The following RAB1A variants were observed in gnomAD, a reference collection of about 807,000 sequenced individuals.
RAB1A encodes the protein ras-related protein Rab-1A.
A neutral mutation model predicts 26.0 loss-of-function variants in RAB1A; 2 were observed. The ratio of observed to expected loss-of-function variants is 0.08; its 90% CI spans 0.03 to 0.24. The LOEUF is 0.24. Ranked by LOEUF, RAB1A falls within the 10% of genes least tolerant of loss-of-function variation. The pLI is 1.00. For synonymous variants in RAB1A, 84 were observed against 84.9 expected (o/e 0.99, Z 0.06); for missense variants, 100 against 247.0 (o/e 0.40, Z 3.99).
At position 65,115,131 on chromosome 2, in the gene RAB1A, T is replaced by C. The variant is rs568494162; in HGVS notation, c.24-10325A>G. Among the ~76,000 whole-genome samples, 38 of 152,282 alleles carry C rather than the reference T, an allele frequency of 2.5e-4. 1 individual carries two copies. The East Asian group carries it at 6.4e-3, about 26-fold the overall frequency. ...CCAGCCTCCAGAACCACAGGCCAAA[T>C]AAACTTCTACTGTTTATAAATTACC... On this transcript the variant is annotated intron_variant, in intron 1 of 5. Coordinates refer to ENST00000409784, the MANE Select transcript of RAB1A (RefSeq NM_004161.5).
chr2:65,095,302 C>G (rs1669257045), intron 3 of RAB1A, among the ~76,000 whole-genome samples: 1 of 152,004 alleles, frequency 6.6e-6, no homozygotes, highest in Non-Finnish European at 1.5e-5. Flanking sequence ...TCCCAAAGTG[C>G]TAGGACTATA....
chr2:65,116,323 G>C (rs1265279172), intron 1 of RAB1A, among the ~76,000 whole-genome samples: 1 of 152,096 alleles, frequency 6.6e-6, no homozygotes, highest in Non-Finnish European at 1.5e-5. Flanking sequence ...CAAGAACGGG[G>C]TGTCAACGTT....
chr2:65,093,872 T>G (rs1669225460), intron 3 of RAB1A, among the ~76,000 whole-genome samples: 1 of 152,158 alleles, frequency 6.6e-6, no homozygotes, highest in South Asian at 2.1e-4. Context: ...TCTGCGTGCC[T>G]CTGCCTCCCA....
At chr2:65,124,023 T>C (rs1670036042) in intron 1 of RAB1A, among the ~76,000 whole-genome samples, 1 of 152,210 alleles carries the variant, frequency 6.6e-6, no homozygotes, top group South Asian at 2.1e-4. Context: ...AATCTCACTC[T>C]GTCACCCAGG....
Position 65,088,640 on chromosome 2 carries a change from A to G in RAB1A, c.471T>C (p.Asn157=). 1.2e-6 allele frequency: 2 copies of G among 1,613,244 alleles called. No homozygotes were observed. Among genetic ancestry groups the G allele is most frequent in the Non-Finnish European group, 1.7e-6 (2 of 1,179,608 alleles). The part of the protein sequence containing the change: ...GIPFLETSAK[N]ATNVEQSFMT... ...TGAAAGACTGTTCTACATTCGTTGC[A>G]TTCTTAGCACTGGTTTCCAAAAACG... The change falls in exon 6 of 6, where the codon AAT becomes AAC. Residue 157 remains asparagine (N), a synonymous_variant. Coordinates refer to ENST00000409784, the MANE Select transcript of RAB1A (RefSeq NM_004161.5).
In RAB1A at chr2:65,089,168, G is replaced by C. The variant is rs115311191; in HGVS notation, c.289-98C>G. The C allele has an allele frequency of 1.5e-3, 1,803 of 1,173,984 alleles. 14 individuals are homozygous for C. The African/African-American group carries it at 0.025, about 16-fold the overall frequency. The allele number at this position is 1,173,984 out of a possible 1,614,324, so 72.7% of individuals were successfully genotyped here. A position where few individuals can be genotyped will look rare whatever the true frequency, so the allele number is the denominator to read the frequency against. ...TGACCTAACAGACAAATAACAAAGA[G>C]CTAGTGAGACAACTCTAGCTACAAA... On this transcript the variant is annotated intron_variant, in intron 4 of 5. Coordinates refer to ENST00000409784, the MANE Select transcript of RAB1A (RefSeq NM_004161.5).
At chr2:65,103,304 A>AAAAAAAAAAAAAAAAACAAAAAAAAAAAC (rs757626011) in intron 2 of RAB1A, among the ~76,000 whole-genome samples, 1 of 112,502 alleles carries the variant, frequency 8.9e-6, no homozygotes, top group Non-Finnish European at 1.8e-5. Flanking sequence ...TGTCTCAAAA[A>AAAAAAAAAAAAAAAAACAAAAAAAAAAAC]AAAAAAAAAA....
chr2:65,120,705 T>C (rs929819308), intron 1 of RAB1A, among the ~76,000 whole-genome samples: 1 of 152,086 alleles, frequency 6.6e-6, no homozygotes, highest in African/African-American at 2.4e-5. Flanking sequence ...ATGCATCAAA[T>C]GTAACGTGAG....
chr2:65,106,495 T>C, intron 1 of RAB1A: 1 of 231,482 alleles, frequency 4.3e-6, no homozygotes, highest in Non-Finnish European at 8.9e-6. Context: ...TAGGTTTACA[T>C]AATGATATGC....
At chr2:65,122,594 AT>A (rs1013790296) in intron 1 of RAB1A, among the ~76,000 whole-genome samples, 1 of 151,950 alleles carries the variant, frequency 6.6e-6, no homozygotes, top group Non-Finnish European at 1.5e-5. Flanking sequence ...TGATTAGCAA[AT>A]TTTTTTTAAA....
chr2:65,114,992 AT>A (rs1669792677), intron 1 of RAB1A, among the ~76,000 whole-genome samples: 3 of 152,216 alleles, frequency 2.0e-5, no homozygotes, highest in Admixed American at 2.0e-4. Context: ...TCACTCTGTT[AT>A]AAAAGTGAGT....
chr2:65,094,592 A>G (rs1438774563), intron 3 of RAB1A, among the ~76,000 whole-genome samples: 1 of 151,860 alleles, frequency 6.6e-6, no homozygotes, highest in Non-Finnish European at 1.5e-5. Context: ...CTCAAAAAAA[A>G]AAAAAAAGAA....
intron 1 of RAB1A, among the ~76,000 whole-genome samples, chr2:65,122,836 C>T (rs1028175453): frequency 3.3e-5 from 5 of 151,554 alleles, no homozygotes; most frequent in Non-Finnish European, 4.4e-5. Context: ...CTGGGCCTGG[C>T]GGCGGGCACC....
At chr2:65,118,134 C>A (rs1445055202) in intron 1 of RAB1A, among the ~76,000 whole-genome samples, 2 of 152,182 alleles carry the variant, frequency 1.3e-5, no homozygotes, top group South Asian at 2.1e-4. Context: ...GTGCTGCTGA[C>A]CCCACTCAGA....
chr2:65,103,521 G>A (rs1012538329), intron 2 of RAB1A, among the ~76,000 whole-genome samples: 7 of 152,250 alleles, frequency 4.6e-5, no homozygotes, highest in African/African-American at 1.7e-4. Flanking sequence ...GCGCTGCCTT[G>A]ATGTGTACCA....
At position 65,115,243 on chromosome 2, in the gene RAB1A, T is replaced by G. The variant is rs1213129994; in HGVS notation, c.24-10437A>C. 3.3e-5 allele frequency among the ~76,000 whole-genome samples: 5 copies of G among 152,208 alleles called. No homozygotes were observed. The East Asian group carries it at 9.6e-4, about 29-fold the overall frequency. ...TTCTTCTAAATGTCTTATTTGAAAATAGCATAAAACTAAGCTCACATATCA... is the reference window on the plus strand; with the variant it reads ...TTCTTCTAAATGTCTTATTTGAAAAGAGCATAAAACTAAGCTCACATATCA... On this transcript the variant is annotated intron_variant, in intron 1 of 5. Transcript: ENST00000409784.
Position 65,129,855 on chromosome 2 carries a change from C to G in RAB1A, c.23+38G>C, listed in dbSNP as rs769204440. 7 of 1,583,632 alleles carry G rather than the reference C, an allele frequency of 4.4e-6. No individual in the cohort carries two copies. The African/African-American group carries it at 6.7e-5, about 15-fold the overall frequency. On this transcript the variant is annotated intron_variant, in intron 1 of 5. Transcript: ENST00000409784. ...ACCCCTTTAAGATCCCCCAAGCTGG[C>G]CCACGGACCCAGCCGACCGGTGCTC...
chr2:65,092,104 C>T (rs1669185737), intron 3 of RAB1A, among the ~76,000 whole-genome samples: 1 of 152,084 alleles, frequency 6.6e-6, no homozygotes, highest in South Asian at 2.1e-4. Context: ...GAAACCCTGT[C>T]TCTACTAAAA....
intron 3 of RAB1A, among the ~76,000 whole-genome samples, chr2:65,091,692 ATT>A (rs1182475629): frequency 6.6e-6 from 1 of 151,968 alleles, no homozygotes; most frequent in Non-Finnish European, 1.5e-5. Context: ...CACCCGGCTA[ATT>A]TTTTCTTTTT....
Sources: gnomAD v4.1 joint callset for allele counts (sites outside exome capture counted in the v4.1 genomes callset) on GRCh38, gnomAD v4.1.1 for gene constraint, MANE v1.5 for transcripts, NCBI Gene and HGNC (gene_info 2026-07-23, HGNC 2026-07-21) for gene names.